SMAP2: variants seen among roughly 807,000 people sequenced by gnomAD.
SMAP2 encodes the protein small ArfGAP2.
Under a neutral mutation model 56.4 loss-of-function variants are expected in SMAP2, and 25 were observed. That is an observed-to-expected ratio of 0.44 (90% confidence interval 0.32 to 0.62). The LOEUF (loss-of-function observed/expected upper bound fraction) is 0.62, where lower values mean the gene tolerates loss of function less well. SMAP2 is among the 20% of genes least tolerant of loss of function. The pLI, the probability that SMAP2 is intolerant of heterozygous loss-of-function variation, is 0.04. For missense variants in SMAP2, 388 were observed against 545.6 expected (o/e 0.71, Z 2.88); for synonymous variants, 157 against 181.7 (o/e 0.86, Z 1.09).
chr1:40,402,419 C>T (rs1644843829), intron 1 of SMAP2, among the ~76,000 whole-genome samples: 1 of 151,992 alleles, frequency 6.6e-6, no homozygotes, highest in Non-Finnish European at 1.5e-5. Context: ...ATTTATTGAA[C>T]ACTAGATCTT....
chr1:40,393,418 T>G, intron 1 of SMAP2: 2 of 1,535,558 alleles, frequency 1.3e-6, no homozygotes, highest in East Asian at 2.4e-5. Context: ...AAAGGCTTCA[T>G]GGGGAAAGTG....
intron 1 of SMAP2, among the ~76,000 whole-genome samples, chr1:40,396,271 C>T (rs555139299): frequency 7.2e-5 from 11 of 152,218 alleles, no homozygotes; most frequent in African/African-American, 2.4e-4. Context: ...TAGTGGGTGC[C>T]GTCTAATAGA....
chr1:40,365,652 G>C (rs909547514), intron 2 of SMAP2, among the ~76,000 whole-genome samples: 1 of 152,156 alleles, frequency 6.6e-6, no homozygotes, highest in African/African-American at 2.4e-5. Flanking sequence ...CTGTCTGTTA[G>C]AAGGAAAACT....
intron 1 of SMAP2, among the ~76,000 whole-genome samples, chr1:40,402,392 C>A (rs1644843547): frequency 6.6e-6 from 1 of 152,022 alleles, no homozygotes; most frequent in African/African-American, 2.4e-5. Flanking sequence ...TTATTATTTA[C>A]TATAGTCACT....
Position 40,375,072 on chromosome 1 carries a change from C to T in SMAP2, c.103+849C>T, listed in dbSNP as rs1015605318. ...ACCATTTAGTCTTTGTTTTCTGTGC[C>T]CTAGAAGATTCATGATTTGATACAA... On this transcript the variant is annotated intron_variant, in intron 1 of 9. Transcript: ENST00000372718. The T allele has an allele frequency of 4.1e-5, 40 of 985,128 alleles. No homozygotes were observed. In the African/African-American group the frequency reaches 6.6e-4, roughly 16 times the overall value. 61.0% of individuals were successfully genotyped at this position (985,128 alleles called of 1,614,324 possible).
At chr1:40,351,217 G>C (rs1644407713) in intron 1 of SMAP2, among the ~76,000 whole-genome samples, 2 of 152,300 alleles carry the variant, frequency 1.3e-5, no homozygotes, top group South Asian at 2.1e-4. Flanking sequence ...TGGTGACAGA[G>C]AGCAGGGCTG....
intron 2 of SMAP2, among the ~76,000 whole-genome samples, chr1:40,407,448 C>T (rs1357034885): frequency 6.6e-6 from 1 of 151,972 alleles, no homozygotes; most frequent in Non-Finnish European, 1.5e-5. Context: ...CATGATCATG[C>T]CATTGCACTC....
At chr1:40,391,935 A>G (rs1280170998) in intron 1 of SMAP2, among the ~76,000 whole-genome samples, 1 of 152,224 alleles carries the variant, frequency 6.6e-6, no homozygotes, top group Non-Finnish European at 1.5e-5. Flanking sequence ...AAGTTTGCTT[A>G]TATTACCTGA....
chr1:40,345,372 A>G (rs895642533), intron 1 of SMAP2, among the ~76,000 whole-genome samples: 1 of 151,528 alleles, frequency 6.6e-6, no homozygotes, highest in Non-Finnish European at 1.5e-5. Flanking sequence ...CAGCCTAGGC[A>G]AGACCCTGTC....
intron 2 of SMAP2, among the ~76,000 whole-genome samples, chr1:40,363,129 T>G (rs1286948720): frequency 6.6e-6 from 1 of 152,140 alleles, no homozygotes; most frequent in Non-Finnish European, 1.5e-5. Flanking sequence ...AAAGCACAAC[T>G]GTCAATAATA....
intron 1 of SMAP2, among the ~76,000 whole-genome samples, chr1:40,360,242 A>G (rs964721192): frequency 4.0e-5 from 6 of 149,850 alleles, no homozygotes; most frequent in Non-Finnish European, 8.9e-5. Flanking sequence ...TCCTGACCTC[A>G]TGATCCGCCT....
At chr1:40,351,337 G>A (rs1244827932) in intron 1 of SMAP2, among the ~76,000 whole-genome samples, 6 of 152,318 alleles carry the variant, frequency 3.9e-5, no homozygotes, top group Admixed American at 1.3e-4. Context: ...GATTGCACAA[G>A]AAACGCTGTG....
chr1:40,384,366 C>T (rs1644632961), intron 1 of SMAP2, among the ~76,000 whole-genome samples: 1 of 152,212 alleles, frequency 6.6e-6, no homozygotes. Flanking sequence ...CTGTTTTCTT[C>T]TACCCTGACC....
At chr1:40,364,084 C>T (rs921154830) in intron 2 of SMAP2, among the ~76,000 whole-genome samples, 41 of 152,256 alleles carry the variant, frequency 2.7e-4, no homozygotes, top group African/African-American at 9.4e-4. Context: ...GCCAGTGAAT[C>T]AGAAACTGAT....
At chr1:40,416,681 C>A in intron 8 of SMAP2, 99 bp from the exon 9 acceptor site, 1 of 1,226,804 alleles carries the variant, frequency 8.2e-7, no homozygotes, top group Non-Finnish European at 1.1e-6. Context: ...GTAGAGTAAT[C>A]CTGAGAAATT....
chr1:40,415,515 A>G, intron 7 of SMAP2, 134 bp downstream of exon 7: 1 of 694,346 alleles, frequency 1.4e-6, no homozygotes, highest in Non-Finnish European at 2.6e-6. Flanking sequence ...TCTTCCCTTA[A>G]CATTGTGTCA....
chr1:40,416,399 A>C (rs772197232), intron 8 of SMAP2, 58 bp downstream of exon 8: 1 of 1,557,182 alleles, frequency 6.4e-7, no homozygotes, highest in Non-Finnish European at 8.7e-7. Context: ...GCTTCCATGC[A>C]GGAATTATTT....
chr1:40,380,625 G>C (rs1644589200), intron 1 of SMAP2, among the ~76,000 whole-genome samples: 1 of 150,524 alleles, frequency 6.6e-6, no homozygotes, highest in South Asian at 2.1e-4. Context: ...CACTTCCCGG[G>C]TTCAAGCCAT....
At chr1:40,379,938 A>G (rs1182876094) in intron 1 of SMAP2, among the ~76,000 whole-genome samples, 1 of 152,200 alleles carries the variant, frequency 6.6e-6, no homozygotes, top group African/African-American at 2.4e-5. Flanking sequence ...GAGTCTGTAG[A>G]CTTGGTATTG....
Sources: gnomAD v4.1 joint callset for allele counts (sites outside exome capture counted in the v4.1 genomes callset) on GRCh38, gnomAD v4.1.1 for gene constraint, MANE v1.5 for transcripts, NCBI Gene and HGNC (gene_info 2026-07-23, HGNC 2026-07-21) for gene names.